PDPK1: variants seen among roughly 807,000 people sequenced by gnomAD.
PDPK1 encodes the protein 3-phosphoinositide-dependent protein kinase 1.
A neutral mutation model predicts 39.8 loss-of-function variants in PDPK1; 7 were observed. That is an observed-to-expected ratio of 0.18 (90% CI 0.10 to 0.33). The LOEUF is 0.33. Ranked by LOEUF, PDPK1 falls within the 10% of genes least tolerant of loss-of-function variation. The pLI is 1.00. For missense variants in PDPK1, 182 were observed against 384.7 expected, an observed-to-expected ratio of 0.47 and a Z score of 4.41; for synonymous variants, 118 against 159.1, an observed-to-expected ratio of 0.74 and a Z score of 1.95.
intron 10 of PDPK1, among the ~76,000 whole-genome samples, chr16:2,585,668 C>T (rs947189974): frequency 1.3e-5 from 2 of 152,176 alleles, no homozygotes; most frequent in Admixed American, 6.5e-5. Context: ...GAGGGGCCGG[C>T]GTGGAGGGGC....
intron 4 of PDPK1, chr16:2,563,008 CTCAAGCCTAG>C (rs1418393578): frequency 6.6e-6 from 1 of 152,552 alleles, no homozygotes; most frequent in Non-Finnish European, 1.5e-5. Flanking sequence ...GGAGGTGGCC[CTCAAGCCTAG>C]TGCACAGCGG....
chr16:2,589,752 C>CA (rs933652278), intron 11 of PDPK1, among the ~76,000 whole-genome samples: 2 of 148,656 alleles, frequency 1.3e-5, no homozygotes, highest in African/African-American at 4.9e-5. Context: ...GAATAGTTTA[C>CA]ACTTAAAAGG....
intron 11 of PDPK1, among the ~76,000 whole-genome samples, chr16:2,588,904 T>C (rs1045971104): frequency 6.6e-6 from 1 of 152,194 alleles, no homozygotes; most frequent in African/African-American, 2.4e-5. Flanking sequence ...TGCTGTAGAA[T>C]GGAATCTGCG....
chr16:2,585,807 C>G (rs1441297753), intron 10 of PDPK1, among the ~76,000 whole-genome samples: 3 of 152,224 alleles, frequency 2.0e-5, no homozygotes, highest in African/African-American at 7.2e-5. Flanking sequence ...ATGGGGGACG[C>G]TGCATGTGTG....
rs1324784184 is a variant in PDPK1 at position 2,599,532 on chromosome 16, T to C, written c.*1765T>C. ...GTGAGCCTGTGACCGTGAGCTGGGG[T>C]GAGCTGGGCCGCACCTACCCTGGGG... On this transcript the variant is annotated 3_prime_UTR_variant, in exon 14 of 14. Coordinates refer to ENST00000342085, the MANE Select transcript of PDPK1 (RefSeq NM_002613.5). 1 of 232,496 alleles carries C rather than the reference T, an allele frequency of 4.3e-6. No homozygotes were observed. Among genetic ancestry groups the C allele is most frequent in the Admixed American group, 5.6e-5 (1 of 17,758 alleles). 14.4% of individuals were successfully genotyped at this position (232,496 alleles called of 1,614,324 possible).
intron 12 of PDPK1, among the ~76,000 whole-genome samples, chr16:2,596,423 T>C (rs2067103144): frequency 6.6e-6 from 1 of 152,190 alleles, no homozygotes; most frequent in Admixed American, 6.5e-5. Context: ...CTTGATCTCC[T>C]GACCTCGTGA....
At position 2,552,342 on chromosome 16, in the gene PDPK1, A is replaced by G. The variant is rs546542118; in HGVS notation, c.25-5361A>G. Among the ~76,000 whole-genome samples, 13 of 151,136 alleles carry G rather than the reference A, an allele frequency of 8.6e-5. 1 individual carries two copies. In the South Asian group the frequency reaches 2.8e-3, roughly 32 times the overall value. On this transcript the variant is annotated intron_variant, in intron 1 of 13. Coordinates refer to ENST00000342085, the MANE Select transcript of PDPK1 (RefSeq NM_002613.5). The stretch of plus-strand genomic sequence containing the variant: ...GACAAGTTAAAGAAATTGAAACTCT[A>G]AGTTCTTATATACATATTTTATGAA...
At position 2,586,794 on chromosome 16, in the gene PDPK1, A is replaced by G. The variant is rs770192179; in HGVS notation, c.1244A>G (p.Tyr415Cys). The G allele has an allele frequency of 6.2e-7, 1 of 1,614,276 alleles. No individual in the cohort carries two copies. Among genetic ancestry groups the G allele is most frequent in the Non-Finnish European group, 8.5e-7 (1 of 1,180,040 alleles). ...PQRSGSNIEQ[Y>C]IHDLDSNSFE... ...AGGTCAGGCAGCAACATAGAGCAGT[A>G]CATTCACGATCTGGACTCGAACTCC... Residue 415 changes from tyrosine to cysteine, a missense_variant, in exon 11 of 14, where the codon TAC (tyrosine) becomes TGC (cysteine). Tyr to Cys is a radical substitution (Grantham distance 194). This residue lies in a region of PDPK1 where 90 missense variants were observed against 111.9 expected (regional missense o/e 0.80). Coordinates refer to ENST00000342085, the MANE Select transcript of PDPK1 (RefSeq NM_002613.5).
rs75866937 is a variant in PDPK1, at chr16:2,543,371, A to G, written c.24+5235A>G. Among the ~76,000 whole-genome samples the G allele has an allele frequency of 4.7e-3, 231 of 48,932 alleles. 1 individual carries two copies. Among genetic ancestry groups the G allele is most frequent in the Middle Eastern group, 0.019 (4 of 212 alleles). 32.1% of individuals were successfully genotyped at this position (48,932 alleles called of 152,430 possible). On this transcript the variant is annotated intron_variant, in intron 1 of 13. Transcript: ENST00000342085. ...ACTCCATGGAGCTGCAGGACGCTGC[A>G]TTCTCCTCACTCTGGCCATTGCCGC...
At chr16:2,543,934 C>T (rs2066287313) in intron 1 of PDPK1, among the ~76,000 whole-genome samples, 1 of 148,974 alleles carries the variant, frequency 6.7e-6, no homozygotes, top group Non-Finnish European at 1.5e-5. Flanking sequence ...CGGGTTTTGC[C>T]ATGTTGGCCA....
At position 2,598,275 on chromosome 16, in the gene PDPK1, C is replaced by T. The variant is rs932391917; in HGVS notation, c.*508C>T. The T allele has an allele frequency of 4.7e-5, 11 of 233,328 alleles. No homozygotes were observed. The highest frequency in any genetic ancestry group is 8.8e-5 in the African/African-American group (4 of 45,350). 14.5% of individuals were successfully genotyped at this position (233,328 alleles called of 1,614,324 possible). A position where few individuals can be genotyped will look rare whatever the true frequency, so the allele number is the denominator to read the frequency against. ...GGGGCCGCAGCTTTGTGGAGGGAGC[C>T]GCCGTGCTTCTGTCACCTGCTCCCT... On this transcript the variant is annotated 3_prime_UTR_variant, in exon 14 of 14. Transcript: ENST00000342085.
chr16:2,587,614 T>C (rs908840526), intron 11 of PDPK1, among the ~76,000 whole-genome samples: 1 of 152,192 alleles, frequency 6.6e-6, no homozygotes, highest in Non-Finnish European at 1.5e-5. Context: ...GTTCAAGCAA[T>C]TCTCCTGCCT....
At chr16:2,575,909 A>C (rs1368546507) in intron 6 of PDPK1, 1 of 133,464 alleles carries the variant, frequency 7.5e-6, no homozygotes, top group East Asian at 2.1e-4. Flanking sequence ...TGCATTATAT[A>C]CATCTCTCCA....
intron 11 of PDPK1, among the ~76,000 whole-genome samples, 170 bp downstream of exon 11, chr16:2,587,063 C>G (rs750545279): frequency 6.6e-6 from 1 of 152,226 alleles, no homozygotes; most frequent in Non-Finnish European, 1.5e-5. Flanking sequence ...AGGAGGCAGC[C>G]GGCCCAGGGG....
In PDPK1 at chr16:2,540,519, C is replaced by T. The variant is rs554112239; in HGVS notation, c.24+2383C>T. 3.3e-5 allele frequency among the ~76,000 whole-genome samples: 5 copies of T among 152,224 alleles called. No individual in the cohort carries two copies. The South Asian group carries it at 6.2e-4, about 19-fold the overall frequency. On this transcript the variant is annotated intron_variant, in intron 1 of 13. Coordinates refer to ENST00000342085, the MANE Select transcript of PDPK1 (RefSeq NM_002613.5). ...TCGGAGCCCCTGAGGGAGGGTCTGCCGGGCAGCTCAGCCCAGCACTCTGTA... is the reference window on the plus strand; with the variant it reads ...TCGGAGCCCCTGAGGGAGGGTCTGCTGGGCAGCTCAGCCCAGCACTCTGTA...
chr16:2,587,097 C>T (rs1287886811), intron 11 of PDPK1, among the ~76,000 whole-genome samples: 1 of 152,194 alleles, frequency 6.6e-6, no homozygotes, highest in African/African-American at 2.4e-5. Context: ...GACCGCCGGG[C>T]GCTCCCCTCC....
At chr16:2,538,718 A>G in intron 1 of PDPK1, 1 of 1,285,764 alleles carries the variant, frequency 7.8e-7, no homozygotes, top group South Asian at 1.2e-5. Context: ...CGTTGTGGGA[A>G]GCCCCTGGGA....
chr16:2,544,262 A>G (rs761795331), intron 1 of PDPK1, among the ~76,000 whole-genome samples: 3 of 152,176 alleles, frequency 2.0e-5, no homozygotes, highest in Non-Finnish European at 4.4e-5. Context: ...CATGCCCAGT[A>G]TAACTTTCCT....
chr16:2,592,065 G>A (rs754826397), intron 11 of PDPK1, among the ~76,000 whole-genome samples: 5 of 152,240 alleles, frequency 3.3e-5, no homozygotes, highest in African/African-American at 4.8e-5. Context: ...GGGTGGAAAA[G>A]CCTCCAGCGG....
Sources: gnomAD v4.1 joint callset for allele counts (sites outside exome capture counted in the v4.1 genomes callset) on GRCh38, gnomAD v4.1.1 for gene constraint, gnomAD v4.1.1 regional missense constraint, MANE v1.5 for transcripts, NCBI Gene and HGNC (gene_info 2026-07-23, HGNC 2026-07-21) for gene names.